The following ZNF268 variants were observed in gnomAD, a reference collection of about 807,000 sequenced individuals.
The protein encoded by ZNF268 is zinc finger protein 268.
ZNF268 carries 20 observed loss-of-function variants against 29.3 expected under a neutral mutation model. The observed-to-expected ratio is 0.68, with a 90% confidence interval of 0.48 to 0.99. The LOEUF (loss-of-function observed/expected upper bound fraction) is 0.99. ZNF268 is among the 50% of genes least tolerant of loss of function. The probability of loss-of-function intolerance (pLI) is 0.00; values close to 1 mark genes in which losing one functional copy is unlikely to be tolerated. For missense variants in ZNF268, 1,240 were observed against 1,121.6 expected, an observed-to-expected ratio of 1.11 and a Z score of -1.51; for synonymous variants, 429 against 376.9, an observed-to-expected ratio of 1.14 and a Z score of -1.60.
chr12:133,202,962 A>C lies in ZNF268; in HGVS notation c.1276A>C (p.Asn426His), dbSNP rs1956791344. The change falls in exon 6 of 6, where the codon AAT becomes CAT. Residue 426 changes from asparagine to histidine, a missense_variant. Transcript: ENST00000536435. Reference protein sequence around the residue: ...YECNECQKAFNTKSNLMVHQR... With the variant: ...YECNECQKAFHTKSNLMVHQR... ...ATGCAATGAATGTCAGAAAGCCTTT[A>C]ATACAAAGTCAAACCTTATGGTACA... 1.3e-6 allele frequency: 2 copies of C among 1,546,956 alleles called. No homozygotes were observed. The highest frequency in any genetic ancestry group is 1.7e-6 in the Non-Finnish European group (2 of 1,151,036).
chr12:133,211,121 T>A lies in ZNF268; in HGVS notation c.*6591T>A. ...GACAAAAGTCAAGTGATTTCCTATA[T>A]ATTTGAAATAATGTATAGCAATAAT... On this transcript the variant is annotated 3_prime_UTR_variant, in exon 6 of 6. Coordinates refer to ENST00000536435, the MANE Select transcript of ZNF268 (RefSeq NM_003415.3). The A allele has an allele frequency of 4.8e-6, 2 of 420,402 alleles. No individual in the cohort carries two copies. Among genetic ancestry groups the A allele is most frequent in the South Asian group, 3.3e-5 (2 of 60,380 alleles). 26.0% of individuals were successfully genotyped at this position (420,402 alleles called of 1,614,324 possible). A position where few individuals can be genotyped will look rare whatever the true frequency, so the allele number is the denominator to read the frequency against.
chr12:133,203,228 C>T lies in ZNF268; in HGVS notation c.1542C>T (p.Tyr514=). Residue 514 remains tyrosine (Y), a synonymous_variant, in exon 6 of 6, where the codon TAC becomes TAT. Transcript: ENST00000536435. ...ECGKAFRSKS[Y]LIIHTRTHTG... Reference sequence around the variant, plus strand: ...GCAAAGCCTTCAGGAGCAAGTCATACCTTATTATACATACAAGGACTCATA... The same window carrying T: ...GCAAAGCCTTCAGGAGCAAGTCATATCTTATTATACATACAAGGACTCATA... The T allele has an allele frequency of 6.5e-7, 1 of 1,537,746 alleles. No individual in the cohort carries two copies. The highest frequency in any genetic ancestry group is 8.7e-7 in the Non-Finnish European group (1 of 1,146,816).
Position 133,207,809 on chromosome 12 carries a change from A to G in ZNF268, c.*3279A>G, listed in dbSNP as rs909775098. 11 of 152,332 alleles carry G rather than the reference A, an allele frequency of 7.2e-5. No homozygotes were observed. Among genetic ancestry groups the G allele is most frequent in the African/African-American group, 2.6e-4 (11 of 41,574 alleles). 9.4% of individuals were successfully genotyped at this position (152,332 alleles called of 1,614,324 possible). On this transcript the variant is annotated 3_prime_UTR_variant, in exon 6 of 6. Coordinates refer to ENST00000536435, the MANE Select transcript of ZNF268 (RefSeq NM_003415.3). ...GGTGACAGAACTAGACCCTGTCTCA[A>G]AAAACAGAAGAGTATGTTTGGAAGA...
At chr12:133,199,042 A>G (rs959299189) in intron 5 of ZNF268, among the ~76,000 whole-genome samples, 16 of 151,896 alleles carry the variant, frequency 1.1e-4, no homozygotes, top group African/African-American at 2.9e-4. Context: ...TCTCCTGCCT[A>G]ATTGCCCTGG....
rs1464399968 is a variant in ZNF268 at position 133,209,413 on chromosome 12, C to G, written c.*4883C>G. ...GTGAGCCAAGCACCCAGCCATAAAT[C>G]TTAAATAAATTCTGATTTTGGTATA... On this transcript the variant is annotated 3_prime_UTR_variant, in exon 6 of 6. Transcript: ENST00000536435. The G allele has an allele frequency of 6.6e-6, 1 of 152,084 alleles. No individual in the cohort carries two copies. Among genetic ancestry groups the G allele is most frequent in the Non-Finnish European group, 1.5e-5 (1 of 68,036 alleles). 9.4% of individuals were successfully genotyped at this position (152,084 alleles called of 1,614,324 possible). A position where few individuals can be genotyped will look rare whatever the true frequency, so the allele number is the denominator to read the frequency against.
In ZNF268 at chr12:133,209,748, G is replaced by A. The variant is rs1187539807; in HGVS notation, c.*5218G>A. 3 of 152,208 alleles carry A rather than the reference G, an allele frequency of 2.0e-5. No homozygotes were observed. Among genetic ancestry groups the A allele is most frequent in the Admixed American group, 6.5e-5 (1 of 15,282 alleles). 9.4% of individuals were successfully genotyped at this position (152,208 alleles called of 1,614,324 possible). On this transcript the variant is annotated 3_prime_UTR_variant, in exon 6 of 6. Coordinates refer to ENST00000536435, the MANE Select transcript of ZNF268 (RefSeq NM_003415.3). ...GAATTGCTTGAACTGGAGAGGCGGAGGTTGCAGTGAGCTGAGATTGTGCCA... is the reference window on the plus strand; with the variant it reads ...GAATTGCTTGAACTGGAGAGGCGGAAGTTGCAGTGAGCTGAGATTGTGCCA...
rs968189317 is a variant in ZNF268, at chr12:133,205,275, G to T, written c.*745G>T. Reference sequence around the variant, plus strand: ...AGGTGTTCCAAAATTTCAGGAAAAGGTTTGAGAAAATTCTCAATTATAAAT... The same window carrying T: ...AGGTGTTCCAAAATTTCAGGAAAAGTTTTGAGAAAATTCTCAATTATAAAT... On this transcript the variant is annotated 3_prime_UTR_variant, in exon 6 of 6. Coordinates refer to ENST00000536435, the MANE Select transcript of ZNF268 (RefSeq NM_003415.3). The T allele has an allele frequency of 6.6e-6, 1 of 150,738 alleles. No homozygotes were observed. The highest frequency in any genetic ancestry group is 1.5e-5 in the Non-Finnish European group (1 of 67,800). The allele number at this position is 150,738 out of a possible 1,614,324, so 9.3% of individuals were successfully genotyped here. A position where few individuals can be genotyped will look rare whatever the true frequency, so the allele number is the denominator to read the frequency against.
At chr12:133,198,995 A>G (rs2135513893) in intron 5 of ZNF268, among the ~76,000 whole-genome samples, 1 of 150,802 alleles carries the variant, frequency 6.6e-6, no homozygotes, top group African/African-American at 2.5e-5. Context: ...GGACAATTTG[A>G]CTTCCTCTTT....
intron 5 of ZNF268, among the ~76,000 whole-genome samples, chr12:133,192,402 C>T (rs766996288): frequency 6.6e-6 from 1 of 152,072 alleles, no homozygotes. Context: ...GCCAGCGTGC[C>T]CGGCCTTACC....
Position 133,181,969 on chromosome 12 carries a change from C to G in ZNF268, c.-29C>G. On this transcript the variant is annotated 5_prime_UTR_variant, in exon 2 of 6. Coordinates refer to ENST00000536435, the MANE Select transcript of ZNF268 (RefSeq NM_003415.3). ...AGCATCCCTCGCGTCCTGTCACTTCCAGCGAGGCACACAAAACTGACCGTA... is the reference window on the plus strand; with the variant it reads ...AGCATCCCTCGCGTCCTGTCACTTCGAGCGAGGCACACAAAACTGACCGTA... The G allele has an allele frequency of 2.6e-6, 4 of 1,559,130 alleles. No homozygotes were observed. The highest frequency in any genetic ancestry group is 3.5e-6 in the Non-Finnish European group (4 of 1,151,164).
At chr12:133,199,994 A>AT (rs1423215855) in intron 5 of ZNF268, among the ~76,000 whole-genome samples, 2 of 151,948 alleles carry the variant, frequency 1.3e-5, no homozygotes, top group Non-Finnish European at 2.9e-5. Flanking sequence ...GGATTCATTA[A>AT]TTTTTTTGAA....
chr12:133,210,850 GCAAGCAGGCTAGA>G lies in ZNF268; in HGVS notation c.*6325_*6337del, dbSNP rs1276646222. 10 of 455,956 alleles carry G rather than the reference GCAAGCAGGCTAGA, an allele frequency of 2.2e-5. No individual in the cohort carries two copies. Among genetic ancestry groups the G allele is most frequent in the Admixed American group, 9.4e-5 (4 of 42,550 alleles). The allele number at this position is 455,956 out of a possible 1,614,324, so 28.2% of individuals were successfully genotyped here. Reference sequence around the variant, plus strand: ...GGTCTGTGAGCAGAATGCAGGTACTGCAAGCAGGCTAGACAAGGTGTGTGCTTGCACCCCTTCC... The same window carrying G: ...GGTCTGTGAGCAGAATGCAGGTACTGCAAGGTGTGTGCTTGCACCCCTTCC... On this transcript the variant is annotated 3_prime_UTR_variant, in exon 6 of 6. Coordinates refer to ENST00000536435, the MANE Select transcript of ZNF268 (RefSeq NM_003415.3).
At chr12:133,199,510 G>T (rs552516224) in intron 5 of ZNF268, among the ~76,000 whole-genome samples, 1 of 151,708 alleles carries the variant, frequency 6.6e-6, no homozygotes, top group South Asian at 2.1e-4. Flanking sequence ...TTTTGGTTGT[G>T]TCTCTGCCCG....
chr12:133,201,580 G>A (rs7960480), intron 5 of ZNF268, among the ~76,000 whole-genome samples: 52,188 of 151,788 alleles, frequency 0.34, 9,400 homozygotes, highest in African/African-American at 0.41. Context: ...GATTTCTCTG[G>A]ATGGTTTTAA....
rs537071686 is a variant in ZNF268 at position 133,205,530 on chromosome 12, A to G, written c.*1000A>G. On this transcript the variant is annotated 3_prime_UTR_variant, in exon 6 of 6. Transcript: ENST00000536435. ...ACAATATCTCTGATATGACAATATC[A>G]TCTTCCAGAGATTTCTACTCTGCAT... 2.0e-5 allele frequency: 3 copies of G among 152,312 alleles called. No individual in the cohort carries two copies. Among genetic ancestry groups the G allele is most frequent in the African/African-American group, 7.2e-5 (3 of 41,572 alleles). The allele number at this position is 152,312 out of a possible 1,614,324, so 9.4% of individuals were successfully genotyped here. A position where few individuals can be genotyped will look rare whatever the true frequency, so the allele number is the denominator to read the frequency against.
At chr12:133,191,863 C>T (rs1956483609) in intron 4 of ZNF268, 45 bp from the exon 5 acceptor site, 2 of 1,591,730 alleles carry the variant, frequency 1.3e-6, no homozygotes, top group Non-Finnish European at 1.7e-6. Flanking sequence ...ATCTCTGAAT[C>T]TCAAGCTGTT....
In ZNF268 at chr12:133,202,357, C is replaced by T. The variant is rs1445086624; in HGVS notation, c.671C>T (p.Pro224Leu). The change falls in exon 6 of 6, where the codon CCT becomes CTT. Residue 224 changes from proline (P) to leucine (L), a missense_variant. Physicochemically the swap from Pro to Leu is moderately conservative, Grantham distance 98. Coordinates refer to ENST00000536435, the MANE Select transcript of ZNF268 (RefSeq NM_003415.3). ...ACTAGTGATTATGCTAGAAATAATCCTAATGGGTTTCAGGTACATGGAAAA... is the reference window on the plus strand; with the variant it reads ...ACTAGTGATTATGCTAGAAATAATCTTAATGGGTTTCAGGTACATGGAAAA... ...DFTSDYARNN[P>L]NGFQVHGKSF... 6.2e-7 allele frequency: 1 copy of T among 1,611,172 alleles called. No homozygotes were observed.
chr12:133,188,136 G>C, intron 3 of ZNF268, 64 bp downstream of exon 3: 1 of 1,383,740 alleles, frequency 7.2e-7, no homozygotes, highest in Non-Finnish European at 9.8e-7. Context: ...TTGGTGCAGA[G>C]AGGGATGGAG....
In ZNF268 at chr12:133,208,848, T is replaced by G. The variant is rs957819920; in HGVS notation, c.*4318T>G. 2.0e-5 allele frequency: 3 copies of G among 147,570 alleles called. No individual in the cohort carries two copies. The highest frequency in any genetic ancestry group is 7.5e-5 in the African/African-American group (3 of 39,880). 9.1% of individuals were successfully genotyped at this position (147,570 alleles called of 1,614,324 possible). On this transcript the variant is annotated 3_prime_UTR_variant, in exon 6 of 6. Coordinates refer to ENST00000536435, the MANE Select transcript of ZNF268 (RefSeq NM_003415.3). ...CAAATGTTTGGAACTGCCAGTAGAG[T>G]AGCAAGTATGCAGTTGTCAGTATTC...
Sources: allele counts gnomAD v4.1 joint callset (sites outside exome capture counted in the v4.1 genomes callset), GRCh38; gene constraint gnomAD v4.1.1; transcripts MANE v1.5; gene names NCBI Gene and HGNC (gene_info 2026-07-23, HGNC 2026-07-21).